RANBP2: variants seen among roughly 807,000 people sequenced by gnomAD.
RANBP2 encodes RAN binding protein 2.
Under a neutral mutation model 303.6 loss-of-function variants are expected in RANBP2, and 57 were observed. The observed-to-expected ratio is 0.19, with a 90% CI of 0.15 to 0.23. RANBP2 has a LOEUF of 0.23. Among genes scored for constraint, RANBP2 ranks in the 10% least tolerant of loss-of-function variants. RANBP2 has a pLI of 1.00. For missense variants in RANBP2, 3,138 were observed against 3,780.8 expected, an observed-to-expected ratio of 0.83 and a Z score of 4.46; for synonymous variants, 1,167 against 1,301.5, an observed-to-expected ratio of 0.90 and a Z score of 2.23.
At chr2:109,455,727 C>T in the RANBP2 span, among the ~76,000 whole-genome samples, 5 of 152,202 alleles carry the variant, frequency 3.3e-5, no homozygotes, top group Non-Finnish European at 5.9e-5. Context: ...GACCCTTACT[C>T]GTCCATCCCA....
At chr2:108,853,709 A>G in the RANBP2 span, among the ~76,000 whole-genome samples, 3 of 148,574 alleles carry the variant, frequency 2.0e-5, no homozygotes, top group African/African-American at 7.4e-5. Flanking sequence ...TATTTTTTGT[A>G]GAGATGAGCT....
the RANBP2 span, among the ~76,000 whole-genome samples, chr2:108,880,611 C>A: frequency 2.0e-5 from 3 of 152,096 alleles, no homozygotes; most frequent in Non-Finnish European, 4.4e-5. Flanking sequence ...TCTGTAAATC[C>A]TAGGGCCCTT....
At chr2:109,286,288 G>T in the RANBP2 span, among the ~76,000 whole-genome samples, 1 of 152,216 alleles carries the variant, frequency 6.6e-6, no homozygotes, top group African/African-American at 2.4e-5. Context: ...TGATGGAAAA[G>T]TGTGGTCAAG....
chr2:109,454,173 A>G, the RANBP2 span, among the ~76,000 whole-genome samples: 3 of 152,374 alleles, frequency 2.0e-5, no homozygotes, highest in Middle Eastern at 3.4e-3. Flanking sequence ...AGACATATTC[A>G]TAATAAAATA....
At chr2:109,592,466 A>G in the RANBP2 span, among the ~76,000 whole-genome samples, 1 of 150,392 alleles carries the variant, frequency 6.6e-6, no homozygotes, top group Non-Finnish European at 1.5e-5. Flanking sequence ...CTCTGTCTCA[A>G]AAAACAAAAA....
At chr2:108,825,931 A>G in the RANBP2 span, among the ~76,000 whole-genome samples, 1 of 152,170 alleles carries the variant, frequency 6.6e-6, no homozygotes, top group Non-Finnish European at 1.5e-5. Flanking sequence ...AAACATACGG[A>G]TTTAAAATTT....
the RANBP2 span, among the ~76,000 whole-genome samples, chr2:109,425,614 G>A: frequency 6.6e-6 from 1 of 152,100 alleles, no homozygotes; most frequent in African/African-American, 2.4e-5. Flanking sequence ...GTGTAAATGG[G>A]ACAACCACGC....
At chr2:109,344,148 C>T in the RANBP2 span, among the ~76,000 whole-genome samples, 3 of 152,192 alleles carry the variant, frequency 2.0e-5, no homozygotes, top group Non-Finnish European at 2.9e-5. Context: ...GGACCTGCTA[C>T]GCAGGGAGAA....
At chr2:109,582,405 G>A in the RANBP2 span, among the ~76,000 whole-genome samples, 4 of 152,178 alleles carry the variant, frequency 2.6e-5, no homozygotes, top group Middle Eastern at 3.4e-3. Flanking sequence ...CTGCAGCTTC[G>A]ACTTCCCAGG....
the RANBP2 span, among the ~76,000 whole-genome samples, chr2:108,856,186 A>G: frequency 5.3e-5 from 8 of 152,174 alleles, no homozygotes; most frequent in Admixed American, 4.6e-4. Flanking sequence ...AGAAAGTTTC[A>G]GGGTTTCTGA....
the RANBP2 span, among the ~76,000 whole-genome samples, chr2:109,029,830 TTC>T: frequency 6.6e-6 from 1 of 152,230 alleles, no homozygotes; most frequent in Non-Finnish European, 1.5e-5. Context: ...GAAAGGCTGT[TTC>T]TCTCAAATGG....
At chr2:109,267,127 A>G in the RANBP2 span, among the ~76,000 whole-genome samples, 1 of 152,174 alleles carries the variant, frequency 6.6e-6, no homozygotes, top group African/African-American at 2.4e-5. Flanking sequence ...GTAATCAGCC[A>G]GGGAGGTGGT....
chr2:109,530,304 T>C, the RANBP2 span, among the ~76,000 whole-genome samples: 2 of 152,120 alleles, frequency 1.3e-5, no homozygotes, highest in African/African-American at 4.8e-5. Flanking sequence ...CGACGTTTGC[T>C]GTGACATCAA....
chr2:108,998,747 A>AT, the RANBP2 span, among the ~76,000 whole-genome samples: 155 of 146,230 alleles, frequency 1.1e-3, 1 homozygote, highest in South Asian at 2.0e-3. Context: ...AAAGATCTGG[A>AT]TTTTTTTTTT....
chr2:109,493,476 C>A, the RANBP2 span, among the ~76,000 whole-genome samples: 1 of 151,632 alleles, frequency 6.6e-6, no homozygotes, highest in Non-Finnish European at 1.5e-5. Context: ...TACATACAAA[C>A]ACATACCCCA....
chr2:109,564,766 T>C, the RANBP2 span, among the ~76,000 whole-genome samples: 1 of 152,232 alleles, frequency 6.6e-6, no homozygotes. Flanking sequence ...ACTTTAAATT[T>C]AGTAGCCAAT....
the RANBP2 span, among the ~76,000 whole-genome samples, chr2:108,905,412 G>A: frequency 2.6e-5 from 4 of 152,256 alleles, no homozygotes; most frequent in South Asian, 4.1e-4. Flanking sequence ...ACATTTCAGC[G>A]GCAGCCAAGA....
the RANBP2 span, among the ~76,000 whole-genome samples, chr2:109,510,874 T>C: frequency 1.3e-5 from 2 of 152,136 alleles, no homozygotes; most frequent in African/African-American, 4.8e-5. Context: ...TGGCCGGAGC[T>C]ATGGGGAGTG....
At chr2:109,120,744 C>A in the RANBP2 span, among the ~76,000 whole-genome samples, 7 of 150,842 alleles carry the variant, frequency 4.6e-5, no homozygotes, top group African/African-American at 7.3e-5. Flanking sequence ...CACCACCGCT[C>A]AGCTTTGTAT....
Sources: allele counts gnomAD v4.1 joint callset (sites outside exome capture counted in the v4.1 genomes callset), GRCh38; gene constraint gnomAD v4.1.1; transcripts MANE v1.5; gene names NCBI Gene and HGNC (gene_info 2026-07-23, HGNC 2026-07-21).